The following MGAM2 variants were observed in gnomAD, a reference collection of about 807,000 sequenced individuals.
The protein encoded by MGAM2 is probable maltase-glucoamylase 2.
Under a neutral mutation model 96.1 loss-of-function variants are expected in MGAM2, and 98 were observed. That is an observed-to-expected ratio of 1.02 (90% CI 0.87 to 1.21). The LOEUF is 1.21. MGAM2 is among the 50% of genes most tolerant of loss of function. MGAM2 has a pLI of 0.00. For missense variants in MGAM2, 2,055 were observed against 1,182.4 expected (o/e 1.74, Z -10.82); for synonymous variants, 749 against 414.8 (o/e 1.81, Z -9.79).
chr7:142,141,164 A>G (rs1166420242), intron 12 of MGAM2, 45 bp downstream of exon 12: 1 of 684,952 alleles, frequency 1.5e-6, no homozygotes, highest in Non-Finnish European at 2.6e-6. Context: ...TGTTTTGGGG[A>G]GTTGTACTTT....
In MGAM2 at chr7:142,164,970, C is replaced by G; in HGVS notation, c.2599C>G (p.Leu867Val). The G allele has an allele frequency of 1.4e-6, 1 of 702,788 alleles. No individual in the cohort carries two copies. The highest frequency in any genetic ancestry group is 2.7e-5 in the East Asian group (1 of 37,270). 43.5% of individuals were successfully genotyped at this position (702,788 alleles called of 1,614,324 possible). The change falls in exon 24 of 48, where the codon CTG becomes GTG. Residue 867 changes from leucine (L) to valine (V), a missense_variant. Physicochemically the swap from Leu to Val is conservative, Grantham distance 32. Transcript: ENST00000477922. ...DKQPANFIVLLNNVATSSPSV... is the reference protein window; with the variant it reads ...DKQPANFIVLVNNVATSSPSV... ...ACAGCCAGCTAATTTTATCGTCCTACTGAATAATGTTGCCACCTCCAGTCC... is the reference window on the plus strand; with the variant it reads ...ACAGCCAGCTAATTTTATCGTCCTAGTGAATAATGTTGCCACCTCCAGTCC...
rs575030207 is a variant in MGAM2 at position 142,117,253 on chromosome 7, C to T, written c.106+274C>T. 4.3e-4 allele frequency among the ~76,000 whole-genome samples: 65 copies of T among 152,224 alleles called. 1 individual carries two copies. Among genetic ancestry groups the T allele is most frequent in the Admixed American group, 3.1e-3 (47 of 15,288 alleles). Reference sequence around the variant, plus strand: ...GGCTCACCAGATGCCTGCCCTTCAACCCAGAGTCATGAAGTCGTACTGCCT... The same window carrying T: ...GGCTCACCAGATGCCTGCCCTTCAATCCAGAGTCATGAAGTCGTACTGCCT... On this transcript the variant is annotated intron_variant, in intron 2 of 47. Transcript: ENST00000477922.
chr7:142,141,804 T>C (rs1328346878), intron 12 of MGAM2, among the ~76,000 whole-genome samples: 3 of 152,158 alleles, frequency 2.0e-5, no homozygotes, highest in Non-Finnish European at 2.9e-5. Context: ...CTAACCTATA[T>C]TTTAAATTTA....
intron 37 of MGAM2, among the ~76,000 whole-genome samples, chr7:142,193,845 A>C (rs1796945510): frequency 6.6e-6 from 1 of 152,048 alleles, no homozygotes; most frequent in Non-Finnish European, 1.5e-5. Context: ...ACTGGCTTTA[A>C]ATACACTCTG....
At chr7:142,113,967 AC>A (rs1298739766) in intron 1 of MGAM2, among the ~76,000 whole-genome samples, 3 of 151,828 alleles carry the variant, frequency 2.0e-5, no homozygotes, top group Non-Finnish European at 4.4e-5. Context: ...CCCTGTCTCT[AC>A]AAAAATATAA....
chr7:142,132,154 G>A, intron 6 of MGAM2, 69 bp downstream of exon 6: 1 of 608,776 alleles, frequency 1.6e-6, no homozygotes, highest in Non-Finnish European at 2.9e-6. Flanking sequence ...CTGATTTACT[G>A]GGGGTGGGCA....
chr7:142,221,270 T>C lies in MGAM2; in HGVS notation c.6759T>C (p.Asn2253=). 1.4e-6 allele frequency: 1 copy of C among 690,224 alleles called. No homozygotes were observed. Among genetic ancestry groups the C allele is most frequent in the Non-Finnish European group, 2.6e-6 (1 of 377,878 alleles). The allele number at this position is 690,224 out of a possible 1,614,324, so 42.8% of individuals were successfully genotyped here. Residue 2253 remains asparagine, a synonymous_variant, in exon 48 of 48, where the codon AAT becomes AAC. Transcript: ENST00000477922. ...ATMSAGNITS[N]SISITTTSFG... ...TGTCTGCTGGTAATATAACTAGTAA[T>C]AGTATTTCCATAACAACTACTTCTT...
At chr7:142,213,263 T>G (rs115217006) in intron 46 of MGAM2, among the ~76,000 whole-genome samples, 3,221 of 152,040 alleles carry the variant, frequency 0.021, 112 homozygotes, top group African/African-American at 0.074. Context: ...TTAAAAGAGC[T>G]AGAGAAGCAA....
At chr7:142,157,903 G>A in intron 17 of MGAM2, 34 bp from the exon 18 acceptor site, 2 of 700,326 alleles carry the variant, frequency 2.9e-6, no homozygotes, top group South Asian at 1.5e-5. Context: ...ATGATGGAAA[G>A]AAATATTCAG....
chr7:142,166,064 C>A (rs1796018314), intron 24 of MGAM2, 34 bp from the exon 25 acceptor site: 3 of 650,412 alleles, frequency 4.6e-6, no homozygotes, highest in African/African-American at 1.8e-5. Context: ...CTTTCCCTCC[C>A]TTCCTTTGTC....
At chr7:142,126,356 C>G (rs1794734256) in intron 3 of MGAM2, among the ~76,000 whole-genome samples, 1 of 151,634 alleles carries the variant, frequency 6.6e-6, no homozygotes, top group Admixed American at 6.6e-5. Flanking sequence ...TTGGACTGTC[C>G]TTTTTCAGTT....
intron 46 of MGAM2, among the ~76,000 whole-genome samples, chr7:142,214,374 A>G (rs149611099): frequency 3.9e-5 from 6 of 152,260 alleles, no homozygotes; most frequent in African/African-American, 7.2e-5. Flanking sequence ...AATTATCTCT[A>G]TTTGCAGATG....
chr7:142,216,568 T>A (rs1797767968), intron 46 of MGAM2, among the ~76,000 whole-genome samples: 1 of 152,110 alleles, frequency 6.6e-6, no homozygotes, highest in Admixed American at 6.5e-5. Flanking sequence ...GGGTGGGAGA[T>A]GATTTGTAAC....
At chr7:142,160,528 C>T (rs1440011938) in intron 21 of MGAM2, among the ~76,000 whole-genome samples, 1 of 151,900 alleles carries the variant, frequency 6.6e-6, no homozygotes, top group Non-Finnish European at 1.5e-5. Context: ...AGGAGGATTT[C>T]CCTATGGCCA....
chr7:142,221,062 C>T lies in MGAM2; in HGVS notation c.6551C>T (p.Pro2184Leu), dbSNP rs1002459701. Residue 2184 changes from proline (P) to leucine (L), a missense_variant, in exon 48 of 48, where the codon CCT (proline) becomes CTT (leucine). Transcript: ENST00000477922. The stretch of plus-strand genomic sequence containing the variant: ...AATACTGTTCCAGTTACAGCTATTC[C>T]TTCTCTTGCAAATACTGGTGTTGAC... ...PNNTVPVTAI[P>L]SLANTGVDTT... 5 of 702,352 alleles carry T rather than the reference C, an allele frequency of 7.1e-6. No individual in the cohort carries two copies. In the Admixed American group the frequency reaches 8.0e-5, roughly 11 times the overall value. The allele number at this position is 702,352 out of a possible 1,614,324, so 43.5% of individuals were successfully genotyped here.
intron 9 of MGAM2, among the ~76,000 whole-genome samples, chr7:142,137,809 G>T (rs866152476): frequency 1.1e-4 from 17 of 152,170 alleles, no homozygotes; most frequent in Middle Eastern, 6.3e-3. Context: ...GTCCATTCAT[G>T]TATCCCACAA....
At chr7:142,161,832 A>G in intron 22 of MGAM2, 123 bp from the exon 23 acceptor site, 1 of 494,722 alleles carries the variant, frequency 2.0e-6, no homozygotes, top group Non-Finnish European at 3.5e-6. Flanking sequence ...AAAAAAATGC[A>G]CAGAACTCAG....
At chr7:142,142,565 C>T (rs182452351) in intron 12 of MGAM2, among the ~76,000 whole-genome samples, 19 of 113,748 alleles carry the variant, frequency 1.7e-4, no homozygotes, top group East Asian at 6.0e-4. Context: ...GAGTCTTGCT[C>T]TGTTGCCCAG....
chr7:142,219,035 A>C (rs935086173), intron 47 of MGAM2, among the ~76,000 whole-genome samples: 4 of 152,198 alleles, frequency 2.6e-5, no homozygotes, highest in Non-Finnish European at 1.5e-5. Context: ...ATAGGATAAA[A>C]GGTTGATAAA....
Sources: allele counts gnomAD v4.1 joint callset (sites outside exome capture counted in the v4.1 genomes callset), GRCh38; gene constraint gnomAD v4.1.1; transcripts MANE v1.5; gene names NCBI Gene and HGNC (gene_info 2026-07-23, HGNC 2026-07-21).